The following COL19A1 variants were observed in gnomAD, a reference collection of about 807,000 sequenced individuals.
COL19A1 encodes collagen alpha-1(XIX) chain.
Under a neutral mutation model 190.2 loss-of-function variants are expected in COL19A1, and 159 were observed. The ratio of observed to expected loss-of-function variants is 0.84; its 90% confidence interval spans 0.73 to 0.95. The LOEUF (loss-of-function observed/expected upper bound fraction) is 0.95. COL19A1 is among the 40% of genes least tolerant of loss of function. The probability of loss-of-function intolerance (pLI) is 0.00; values close to 1 mark genes in which losing one functional copy is unlikely to be tolerated. For missense variants in COL19A1, 1,418 were observed against 1,431.9 expected, an observed-to-expected ratio of 0.99 and a Z score of 0.16; for synonymous variants, 509 against 458.9, an observed-to-expected ratio of 1.11 and a Z score of -1.39.
chr6:69,941,126 T>C (rs183843375), intron 9 of COL19A1, among the ~76,000 whole-genome samples: 4 of 152,306 alleles, frequency 2.6e-5, no homozygotes, highest in Admixed American at 2.0e-4. Context: ...CTAAAGGTTT[T>C]CTTTTTGATC....
intron 2 of COL19A1, among the ~76,000 whole-genome samples, chr6:69,893,356 A>G (rs1023153670): frequency 9.8e-5 from 15 of 152,336 alleles, no homozygotes; most frequent in Middle Eastern, 3.4e-3. Flanking sequence ...ATTGTCTGTG[A>G]ATAGCAAAAT....
intron 16 of COL19A1, among the ~76,000 whole-genome samples, chr6:70,102,535 T>A (rs1783701214): frequency 6.6e-6 from 1 of 152,212 alleles, no homozygotes; most frequent in Non-Finnish European, 1.5e-5. Context: ...AATCCTGTTC[T>A]GAACCTACCT....
At chr6:69,947,769 C>T (rs1216401681) in intron 9 of COL19A1, among the ~76,000 whole-genome samples, 1 of 151,778 alleles carries the variant, frequency 6.6e-6, no homozygotes, top group Non-Finnish European at 1.5e-5. Flanking sequence ...AAATGTGTCT[C>T]TGGTATCTGA....
chr6:69,989,552 A>AC (rs2150072824), intron 11 of COL19A1, among the ~76,000 whole-genome samples: 1 of 112,332 alleles, frequency 8.9e-6, no homozygotes, highest in Non-Finnish European at 1.7e-5. Flanking sequence ...AGAGTTTTTT[A>AC]CTTTTTTTTT....
At chr6:70,196,945 G>A (rs1767235762) in intron 48 of COL19A1, among the ~76,000 whole-genome samples, 1 of 152,148 alleles carries the variant, frequency 6.6e-6, no homozygotes, top group African/African-American at 2.4e-5. Flanking sequence ...CTGTTTCTGA[G>A]TGTATTTCAA....
At chr6:70,079,534 T>C (rs1782107750) in intron 15 of COL19A1, among the ~76,000 whole-genome samples, 1 of 152,090 alleles carries the variant, frequency 6.6e-6, no homozygotes. Context: ...GGTGGAGAGA[T>C]GAACTAGAAA....
chr6:69,907,291 G>C (rs1770622568), intron 4 of COL19A1, among the ~76,000 whole-genome samples: 1 of 151,540 alleles, frequency 6.6e-6, no homozygotes. Context: ...CACCACTCCT[G>C]GCTAATTTTT....
At chr6:69,986,286 T>C (rs1776314671) in intron 11 of COL19A1, among the ~76,000 whole-genome samples, 1 of 149,802 alleles carries the variant, frequency 6.7e-6, no homozygotes, top group African/African-American at 2.4e-5. Flanking sequence ...AATCCTCCTT[T>C]TATAAGTCAG....
intron 11 of COL19A1, among the ~76,000 whole-genome samples, chr6:69,980,229 A>G (rs1324638402): frequency 1.3e-5 from 2 of 152,104 alleles, no homozygotes; most frequent in Admixed American, 1.3e-4. Flanking sequence ...TAGAATAAAG[A>G]TAGATAGACT....
chr6:70,182,251 A>G (rs536611848), intron 44 of COL19A1, among the ~76,000 whole-genome samples: 54 of 152,328 alleles, frequency 3.5e-4, no homozygotes, highest in Middle Eastern at 3.4e-3. Context: ...TTGCTGATGG[A>G]CTAATCTAGA....
At chr6:70,154,379 T>C (rs1476428591) in intron 31 of COL19A1, among the ~76,000 whole-genome samples, 1 of 152,170 alleles carries the variant, frequency 6.6e-6, no homozygotes, top group East Asian at 1.9e-4. Context: ...TTGGGTTGGT[T>C]CCAAGTCTTT....
At chr6:69,939,970 ACTTGT>A (rs1773368394) in intron 9 of COL19A1, among the ~76,000 whole-genome samples, 1 of 152,014 alleles carries the variant, frequency 6.6e-6, no homozygotes, top group East Asian at 1.9e-4. Context: ...ACATTTCTTA[ACTTGT>A]CTTTTCACTT....
At chr6:70,119,247 G>A (rs987680414) in intron 16 of COL19A1, among the ~76,000 whole-genome samples, 8 of 152,100 alleles carry the variant, frequency 5.3e-5, no homozygotes, top group Non-Finnish European at 1.2e-4. Context: ...GAAATGTTTT[G>A]TAATATTCAG....
chr6:70,020,221 C>G (rs1357762179), intron 11 of COL19A1, among the ~76,000 whole-genome samples: 1 of 152,042 alleles, frequency 6.6e-6, no homozygotes, highest in Non-Finnish European at 1.5e-5. Context: ...CACAAAATAT[C>G]TTTGCATATT....
At chr6:70,115,008 T>G (rs1450278883) in intron 16 of COL19A1, among the ~76,000 whole-genome samples, 1 of 152,162 alleles carries the variant, frequency 6.6e-6, no homozygotes, top group Non-Finnish European at 1.5e-5. Context: ...CCACTTACAA[T>G]CCAAGTTAAC....
At chr6:70,034,395 AT>A in intron 13 of COL19A1, 97 bp downstream of exon 13, 1 of 896,620 alleles carries the variant, frequency 1.1e-6, no homozygotes, top group South Asian at 1.4e-5. Flanking sequence ...TCCTAAAAGC[AT>A]TCTAAAATTA....
intron 11 of COL19A1, among the ~76,000 whole-genome samples, chr6:70,016,577 T>G (rs1778121309): frequency 6.6e-6 from 1 of 151,692 alleles, no homozygotes; most frequent in Non-Finnish European, 1.5e-5. Flanking sequence ...TTAAAAATAT[T>G]ATTTCAAGAA....
intron 14 of COL19A1, among the ~76,000 whole-genome samples, chr6:70,044,353 G>C (rs1779794728): frequency 1.3e-5 from 2 of 152,142 alleles, no homozygotes; most frequent in Admixed American, 1.3e-4. Context: ...TTTCCTTCAA[G>C]AAGTTTTTCT....
intron 31 of COL19A1, among the ~76,000 whole-genome samples, chr6:70,155,035 C>G (rs1433558003): frequency 2.0e-5 from 3 of 152,134 alleles, no homozygotes; most frequent in Non-Finnish European, 2.9e-5. Flanking sequence ...TACTTTGCAT[C>G]CTTCAATCCA....
Sources: gnomAD v4.1 joint callset for allele counts (sites outside exome capture counted in the v4.1 genomes callset) on GRCh38, gnomAD v4.1.1 for gene constraint, MANE v1.5 for transcripts, NCBI Gene and HGNC (gene_info 2026-07-23, HGNC 2026-07-21) for gene names.